The following COX10 variants were observed in gnomAD, a reference collection of about 807,000 sequenced individuals.
COX10 encodes the protein cytochrome c oxidase assembly factor heme A:farnesyltransferase COX10, also known as protoheme IX farnesyltransferase, mitochondrial.
A neutral mutation model predicts 37.3 loss-of-function variants in COX10; 27 were observed. The observed-to-expected ratio is 0.72, with a 90% CI of 0.53 to 1.00. COX10 has a LOEUF of 1.00. COX10 is among the 50% of genes least tolerant of loss of function. COX10 has a pLI of 0.00. For missense variants in COX10, 475 were observed against 563.2 expected (o/e 0.84, Z 1.59); for synonymous variants, 222 against 229.1 (o/e 0.97, Z 0.28).
intron 5 of COX10, among the ~76,000 whole-genome samples, chr17:14,163,285 T>G (rs1160846982): frequency 1.5e-5 from 2 of 136,738 alleles, no homozygotes; most frequent in African/African-American, 5.1e-5. Context: ...AGACAGAGTC[T>G]CACTCTCTTG....
intron 3 of COX10, among the ~76,000 whole-genome samples, chr17:14,078,688 G>A (rs924609490): frequency 6.6e-6 from 1 of 152,086 alleles, no homozygotes; most frequent in Non-Finnish European, 1.5e-5. Flanking sequence ...TTACCCTGCC[G>A]TTCATGCTGC....
At chr17:14,084,255 G>T (rs1402332626) in intron 3 of COX10, among the ~76,000 whole-genome samples, 1 of 151,930 alleles carries the variant, frequency 6.6e-6, no homozygotes, top group Non-Finnish European at 1.5e-5. Context: ...TTTATTTTTT[G>T]AAATAAGTGC....
rs373074821 is a variant in COX10, at chr17:14,207,257, G to T, written c.*44G>T. On this transcript the variant is annotated 3_prime_UTR_variant, in exon 7 of 7. Transcript: ENST00000261643. ...CGCCCCTTTCCCTCCGCTGCCAGGC[G>T]AGCATGTTGTGGTAATTCTGGAACA... 1 of 1,510,052 alleles carries T rather than the reference G, an allele frequency of 6.6e-7. No individual in the cohort carries two copies. Among genetic ancestry groups the T allele is most frequent in the South Asian group, 1.3e-5 (1 of 78,730 alleles). 93.5% of individuals were successfully genotyped at this position (1,510,052 alleles called of 1,614,324 possible).
rs201423560 is a variant in COX10, at chr17:14,207,162, C to A, written c.1281C>A (p.Leu427=). The A allele has an allele frequency of 1.2e-6, 2 of 1,611,672 alleles. No individual in the cohort carries two copies. Among genetic ancestry groups the A allele is most frequent in the Admixed American group, 3.3e-5 (2 of 60,004 alleles). ...TGCCGCTGCTGCTGCTGCTCATGCT[C>A]ACCTGCAAGCGGCCGAGCGGAGGCG... ...WHLPLLLLLM[L]TCKRPSGGGD... Residue 427 remains leucine (L), a synonymous_variant, in exon 7 of 7, where the codon CTC becomes CTA. Transcript: ENST00000261643.
intron 2 of COX10, among the ~76,000 whole-genome samples, chr17:14,075,139 T>C (rs868036350): frequency 6.6e-6 from 1 of 152,220 alleles, no homozygotes; most frequent in African/African-American, 2.4e-5. Flanking sequence ...TTTACATTTC[T>C]CTCATCTTTA....
chr17:14,116,917 C>T lies in COX10; in HGVS notation c.624+14675C>T, dbSNP rs573794767. ...TAATCAAAACCTTGCAGGGACTTCCCTGGTCCTGTGTGAACATTGTGCCAC... is the reference window on the plus strand; with the variant it reads ...TAATCAAAACCTTGCAGGGACTTCCTTGGTCCTGTGTGAACATTGTGCCAC... On this transcript the variant is annotated intron_variant, in intron 4 of 6. Coordinates refer to ENST00000261643, the MANE Select transcript of COX10 (RefSeq NM_001303.4). 2.4e-4 allele frequency among the ~76,000 whole-genome samples: 37 copies of T among 152,294 alleles called. No individual in the cohort carries two copies. In the South Asian group the frequency reaches 7.0e-3, roughly 29 times the overall value.
At chr17:14,202,259 C>G (rs1435943231) in intron 6 of COX10, among the ~76,000 whole-genome samples, 2 of 145,468 alleles carry the variant, frequency 1.4e-5, no homozygotes, top group Non-Finnish European at 3.0e-5. Flanking sequence ...ATGTCTTGCT[C>G]TGTCACCCAG....
At chr17:14,100,683 A>G (rs536948749) in intron 3 of COX10, among the ~76,000 whole-genome samples, 1 of 152,342 alleles carries the variant, frequency 6.6e-6, no homozygotes, top group African/African-American at 2.4e-5. Flanking sequence ...ACTGGCAGAG[A>G]AAGAGTTTAC....
chr17:14,164,697 TC>T (rs1229807701), intron 5 of COX10, among the ~76,000 whole-genome samples: 5 of 151,976 alleles, frequency 3.3e-5, no homozygotes, highest in Non-Finnish European at 7.4e-5. Flanking sequence ...AAAGAATAGA[TC>T]CCCGTGAGAA....
chr17:14,145,442 A>G (rs1216877202), intron 4 of COX10, among the ~76,000 whole-genome samples: 1 of 152,280 alleles, frequency 6.6e-6, no homozygotes, highest in Middle Eastern at 3.4e-3. Flanking sequence ...ATGTGGTTTC[A>G]ATGCTGTGAT....
chr17:14,120,620 T>C (rs1346159200), intron 4 of COX10, among the ~76,000 whole-genome samples: 1 of 152,068 alleles, frequency 6.6e-6, no homozygotes, highest in East Asian at 1.9e-4. Flanking sequence ...GGGGAAGCCA[T>C]AGGCCCACAG....
At chr17:14,174,930 G>A (rs910176814) in intron 5 of COX10, among the ~76,000 whole-genome samples, 1 of 148,658 alleles carries the variant, frequency 6.7e-6, no homozygotes, top group Non-Finnish European at 1.5e-5. Flanking sequence ...CAAACCACTG[G>A]TACGTGCAGT....
chr17:14,145,950 G>A (rs1007281596), intron 4 of COX10, among the ~76,000 whole-genome samples: 4 of 152,046 alleles, frequency 2.6e-5, no homozygotes, highest in African/African-American at 9.7e-5. Context: ...CTAAGGCTCC[G>A]TTAATGTTGG....
At chr17:14,123,895 A>T (rs1916278677) in intron 4 of COX10, among the ~76,000 whole-genome samples, 2 of 152,078 alleles carry the variant, frequency 1.3e-5, no homozygotes, top group Admixed American at 6.6e-5. Flanking sequence ...AAACCATATG[A>T]TGTTGAGACA....
intron 5 of COX10, among the ~76,000 whole-genome samples, chr17:14,172,048 G>A (rs542792722): frequency 7.9e-5 from 12 of 152,152 alleles, no homozygotes; most frequent in Admixed American, 4.6e-4. Context: ...TCAGTTTTGC[G>A]TGGGTTATTA....
intron 3 of COX10, 115 bp downstream of exon 3, chr17:14,077,171 G>A: frequency 1.1e-6 from 1 of 952,316 alleles, no homozygotes; most frequent in South Asian, 1.6e-5. Context: ...TCCTGTCTTA[G>A]TATTTTTCCT....
chr17:14,186,619 C>T (rs1052232266), intron 5 of COX10, among the ~76,000 whole-genome samples: 8 of 151,756 alleles, frequency 5.3e-5, no homozygotes, highest in Non-Finnish European at 1.0e-4. Context: ...AGGACCACAC[C>T]TGTCTTGCTC....
At chr17:14,190,749 G>A (rs1207845320) in intron 5 of COX10, among the ~76,000 whole-genome samples, 3 of 152,064 alleles carry the variant, frequency 2.0e-5, no homozygotes, top group Non-Finnish European at 4.4e-5. Context: ...CACCCTCCCG[G>A]CTAAATTCTA....
In COX10 at chr17:14,208,510, A is replaced by G. The variant is rs547070219; in HGVS notation, c.*1297A>G. 1.3e-5 allele frequency: 2 copies of G among 152,340 alleles called. No homozygotes were observed. Among genetic ancestry groups the G allele is most frequent in the African/African-American group, 2.4e-5 (1 of 41,578 alleles). The allele number at this position is 152,340 out of a possible 1,614,324, so 9.4% of individuals were successfully genotyped here. ...GATTGTAGGTAGATAACATCCAATC[A>G]CTGTTTGCACTTATCTGAAATCTTC... On this transcript the variant is annotated 3_prime_UTR_variant, in exon 7 of 7. Transcript: ENST00000261643.
Sources: gnomAD v4.1 joint callset for allele counts (sites outside exome capture counted in the v4.1 genomes callset) on GRCh38, gnomAD v4.1.1 for gene constraint, MANE v1.5 for transcripts, NCBI Gene and HGNC (gene_info 2026-07-23, HGNC 2026-07-21) for gene names.